The following SLC26A8 variants were observed in gnomAD, a reference collection of about 807,000 sequenced individuals.
SLC26A8 encodes the protein testis anion transporter 1.
In SLC26A8, 70 loss-of-function variants were observed where a neutral mutation model predicts 105.0. The observed-to-expected ratio is 0.67, with a 90% confidence interval of 0.55 to 0.81. The LOEUF (loss-of-function observed/expected upper bound fraction) is 0.81, where lower values mean the gene tolerates loss of function less well. Ranked by LOEUF, SLC26A8 falls within the 40% of genes least tolerant of loss-of-function variation. The pLI is 0.00. For missense variants in SLC26A8, 998 were observed against 1,181.8 expected, an observed-to-expected ratio of 0.84 and a Z score of 2.28; for synonymous variants, 415 against 438.3, an observed-to-expected ratio of 0.95 and a Z score of 0.66.
intron 11 of SLC26A8, among the ~76,000 whole-genome samples, chr6:35,963,631 C>T (rs1175558940): frequency 2.0e-5 from 3 of 152,348 alleles, no homozygotes; most frequent in South Asian, 2.1e-4. Flanking sequence ...AAAGGTTATA[C>T]TCATCTATCC....
chr6:35,972,810 GA>G (rs1772847929), intron 10 of SLC26A8, among the ~76,000 whole-genome samples: 1 of 152,208 alleles, frequency 6.6e-6, no homozygotes, highest in African/African-American at 2.4e-5. Context: ...TCAGGGGTTG[GA>G]AATTCAATCG....
intron 2 of SLC26A8, among the ~76,000 whole-genome samples, chr6:36,018,936 A>AT (rs1344146519): frequency 1.3e-5 from 2 of 151,562 alleles, no homozygotes; most frequent in East Asian, 1.9e-4. Flanking sequence ...TTATTTATTT[A>AT]TTTTTTTTGA....
intron 4 of SLC26A8, among the ~76,000 whole-genome samples, chr6:35,999,101 A>T (rs1350705678): frequency 6.6e-6 from 1 of 152,042 alleles, no homozygotes; most frequent in Admixed American, 6.6e-5. Flanking sequence ...TCACTATGTT[A>T]GCCAGGCTGG....
rs527990872 is a variant in SLC26A8, at chr6:35,982,030, C to A, written c.1025+91G>T. On this transcript the variant is annotated intron_variant, in intron 8 of 19. Coordinates refer to ENST00000490799, the MANE Select transcript of SLC26A8 (RefSeq NM_052961.4). ...TGAATTTTGCTTTGGCCAGAGACTG[C>A]TAGTAGAAAATATCAATCAGGCTGT... 1.9e-5 allele frequency: 26 copies of A among 1,343,444 alleles called. No homozygotes were observed. In the South Asian group the frequency reaches 2.8e-4, roughly 14 times the overall value. The allele number at this position is 1,343,444 out of a possible 1,614,324, so 83.2% of individuals were successfully genotyped here. A position where few individuals can be genotyped will look rare whatever the true frequency, so the allele number is the denominator to read the frequency against.
intron 3 of SLC26A8, among the ~76,000 whole-genome samples, chr6:36,002,851 A>G (rs1301214910): frequency 2.0e-5 from 3 of 151,832 alleles, no homozygotes; most frequent in Non-Finnish European, 2.9e-5. Context: ...CTATAGGCGC[A>G]CGCCACCATG....
At chr6:35,946,538 C>G (rs985451179) in intron 19 of SLC26A8, among the ~76,000 whole-genome samples, 1 of 152,112 alleles carries the variant, frequency 6.6e-6, no homozygotes, top group Non-Finnish European at 1.5e-5. Context: ...CTGGCCCAGG[C>G]ATTTTGAATT....
chr6:36,004,152 T>C (rs1761614207), intron 3 of SLC26A8, among the ~76,000 whole-genome samples: 1 of 149,900 alleles, frequency 6.7e-6, no homozygotes, highest in South Asian at 2.1e-4. Context: ...CACAGCTCGC[T>C]ACAGCTTCAA....
chr6:36,005,627 T>A lies in SLC26A8; in HGVS notation c.329-5519A>T, dbSNP rs184109962. Among the ~76,000 whole-genome samples, 458 of 152,348 alleles carry A rather than the reference T, an allele frequency of 3.0e-3. 2 individuals are homozygous for A. The highest frequency in any genetic ancestry group is 5.2e-3 in the Non-Finnish European group (355 of 68,018). On this transcript the variant is annotated intron_variant, in intron 3 of 19. Transcript: ENST00000490799. ...TCATTGTATCATATCACAGGATTCA[T>A]GATATCCATATATTTTACTACTGGT...
intron 8 of SLC26A8, among the ~76,000 whole-genome samples, chr6:35,980,932 A>G (rs1773241369): frequency 6.6e-6 from 1 of 152,090 alleles, no homozygotes. Flanking sequence ...GAATCACTTG[A>G]ACCCGGGAGG....
intron 5 of SLC26A8, among the ~76,000 whole-genome samples, chr6:35,994,453 G>A (rs903867576): frequency 2.0e-5 from 3 of 151,796 alleles, no homozygotes; most frequent in African/African-American, 7.3e-5. Flanking sequence ...GCCGCCCAAT[G>A]TTCTATTTTA....
At position 35,994,381 on chromosome 6, in the gene SLC26A8, T is replaced by G. The variant is rs188166805; in HGVS notation, c.628-1707A>C. On this transcript the variant is annotated intron_variant, in intron 5 of 19. Coordinates refer to ENST00000490799, the MANE Select transcript of SLC26A8 (RefSeq NM_052961.4). Reference sequence around the variant, plus strand: ...CGCCCGCCTCGGCCTCTCAAAGTGCTGGGATTACAGGCGTGAGCCACTGCG... The same window carrying G: ...CGCCCGCCTCGGCCTCTCAAAGTGCGGGGATTACAGGCGTGAGCCACTGCG... 6.6e-4 allele frequency among the ~76,000 whole-genome samples: 100 copies of G among 152,208 alleles called. 1 individual carries two copies. The East Asian group carries it at 0.016, about 25-fold the overall frequency.
At chr6:35,977,759 A>C (rs1773095530) in intron 8 of SLC26A8, among the ~76,000 whole-genome samples, 2 of 152,140 alleles carry the variant, frequency 1.3e-5, no homozygotes, top group Admixed American at 1.3e-4. Context: ...ATACTTTCCA[A>C]ATCTTTCTAT....
intron 2 of SLC26A8, among the ~76,000 whole-genome samples, chr6:36,014,168 C>G (rs1227531837): frequency 6.6e-6 from 1 of 152,184 alleles, no homozygotes; most frequent in Non-Finnish European, 1.5e-5. Context: ...AAGAGTAGAG[C>G]ATGGCACTGG....
rs1762075652 is a variant in SLC26A8, at chr6:36,019,535, T to C, written c.173A>G (p.His58Arg). 1 of 1,613,260 alleles carries C rather than the reference T, an allele frequency of 6.2e-7. No individual in the cohort carries two copies. The highest frequency in any genetic ancestry group is 1.3e-5 in the African/African-American group (1 of 74,886). Residue 58 changes from histidine to arginine, a missense_variant, in exon 2 of 20, where the codon CAC (histidine) becomes CGC (arginine). His to Arg is a conservative substitution (Grantham distance 29, BLOSUM62 0). Coordinates refer to ENST00000490799, the MANE Select transcript of SLC26A8 (RefSeq NM_052961.4). The part of the protein sequence containing the change: ...NMNINITTFR[H>R]HVQCRCSWHR... ...ACACACGCACCGGCACTGGACGTGG[T>C]GTCTGAAGGTGGTGATGTTGATGTT...
chr6:36,012,466 A>G, intron 2 of SLC26A8, 94 bp from the exon 3 acceptor site: 1 of 1,390,644 alleles, frequency 7.2e-7, no homozygotes, highest in South Asian at 1.5e-5. Context: ...GCCAAGAAAA[A>G]GTAGAGTCTT....
chr6:36,012,741 T>C (rs1761895549), intron 2 of SLC26A8, among the ~76,000 whole-genome samples: 1 of 152,224 alleles, frequency 6.6e-6, no homozygotes, highest in Non-Finnish European at 1.5e-5. Flanking sequence ...ACGTCCAGCA[T>C]GTAATCAGTT....
In SLC26A8 at chr6:36,021,921, G is replaced by T. The variant is rs560864650; in HGVS notation, c.-2-2212C>A. On this transcript the variant is annotated intron_variant, in intron 1 of 19. Coordinates refer to ENST00000490799, the MANE Select transcript of SLC26A8 (RefSeq NM_052961.4). ...CCTGACCTCGTGATCTGCCTCCCTC[G>T]GCCTCCCAAAGTGCTGGGATTACAC... Among the ~76,000 whole-genome samples the T allele has an allele frequency of 4.6e-5, 7 of 151,394 alleles. No individual in the cohort carries two copies. The East Asian group carries it at 9.7e-4, about 21-fold the overall frequency.
intron 2 of SLC26A8, among the ~76,000 whole-genome samples, chr6:36,018,551 G>A (rs936701119): frequency 7.9e-5 from 12 of 152,196 alleles, no homozygotes; most frequent in Admixed American, 1.3e-4. Flanking sequence ...ATTTCTGTTT[G>A]AGGTGATGAA....
At chr6:35,963,493 G>T (rs117081311) in intron 11 of SLC26A8, among the ~76,000 whole-genome samples, 1 of 152,132 alleles carries the variant, frequency 6.6e-6, no homozygotes, top group African/African-American at 2.4e-5. Flanking sequence ...GCATCCTTTC[G>T]CAGTGTTCTT....
Sources: gnomAD v4.1 joint callset for allele counts (sites outside exome capture counted in the v4.1 genomes callset) on GRCh38, gnomAD v4.1.1 for gene constraint, MANE v1.5 for transcripts, NCBI Gene and HGNC (gene_info 2026-07-23, HGNC 2026-07-21) for gene names.